The following PTPRD variants were observed in gnomAD, a reference collection of about 807,000 sequenced individuals.
PTPRD encodes the protein protein tyrosine phosphatase receptor type D.
PTPRD carries 34 observed loss-of-function variants against 214.5 expected under a neutral mutation model. The ratio of observed to expected loss-of-function variants is 0.16; its 90% confidence interval spans 0.12 to 0.21. The LOEUF is 0.21. Ranked by LOEUF, PTPRD falls within the 10% of genes least tolerant of loss-of-function variation. PTPRD has a pLI of 1.00. For synonymous variants in PTPRD, 1,128 were observed against 845.7 expected (o/e 1.33, Z -5.79); for missense variants, 2,545 against 2,398.7 (o/e 1.06, Z -1.27).
At chr9:9,440,388 G>T (rs2087087295) in intron 8 of PTPRD, among the ~76,000 whole-genome samples, 1 of 152,042 alleles carries the variant, frequency 6.6e-6, no homozygotes, top group Non-Finnish European at 1.5e-5. Context: ...CTATCAAATT[G>T]TTAAATGCAA....
intron 2 of PTPRD, among the ~76,000 whole-genome samples, chr9:10,411,147 G>C (rs1394668558): frequency 6.6e-6 from 1 of 151,688 alleles, no homozygotes; most frequent in African/African-American, 2.4e-5. Flanking sequence ...CCATGACAAA[G>C]AATTTGAATG....
At chr9:9,172,356 A>T (rs73403425) in intron 10 of PTPRD, among the ~76,000 whole-genome samples, 1 of 152,106 alleles carries the variant, frequency 6.6e-6, no homozygotes, top group African/African-American at 2.4e-5. Context: ...GTAGCAAAGT[A>T]AAATGTTTGG....
chr9:8,928,268 G>C (rs1055039257), intron 11 of PTPRD, among the ~76,000 whole-genome samples: 1 of 152,130 alleles, frequency 6.6e-6, no homozygotes, highest in African/African-American at 2.4e-5. Context: ...TAGTCATGAA[G>C]TCTTTGCCCA....
At chr9:9,062,039 C>T (rs916326035) in intron 10 of PTPRD, among the ~76,000 whole-genome samples, 2 of 152,134 alleles carry the variant, frequency 1.3e-5, no homozygotes, top group Admixed American at 6.5e-5. Flanking sequence ...ATTACTCCCT[C>T]ATCCAATGCC....
chr9:9,644,033 G>C (rs1220828162), intron 7 of PTPRD, among the ~76,000 whole-genome samples: 1 of 152,146 alleles, frequency 6.6e-6, no homozygotes, highest in Non-Finnish European at 1.5e-5. Flanking sequence ...ACATTGCAAA[G>C]ATATGCTTTT....
chr9:9,218,744 T>G (rs1256672704), intron 9 of PTPRD, among the ~76,000 whole-genome samples: 2 of 152,106 alleles, frequency 1.3e-5, no homozygotes, highest in Admixed American at 6.6e-5. Flanking sequence ...AGCATTATTC[T>G]TCTAGTATGA....
intron 7 of PTPRD, among the ~76,000 whole-genome samples, chr9:9,664,532 C>T (rs2096679022): frequency 6.6e-6 from 1 of 151,608 alleles, no homozygotes; most frequent in African/African-American, 2.4e-5. Flanking sequence ...CTAATTTAAG[C>T]ATTCAAACTA....
intron 2 of PTPRD, among the ~76,000 whole-genome samples, chr9:10,593,036 G>A (rs962644173): frequency 8.6e-5 from 13 of 151,834 alleles, no homozygotes; most frequent in South Asian, 2.1e-4. Context: ...CACTCACCAC[G>A]AAGGTCTGCG....
At chr9:9,651,822 G>GT (rs1470208021) in intron 7 of PTPRD, among the ~76,000 whole-genome samples, 40 of 92,556 alleles carry the variant, frequency 4.3e-4, no homozygotes, top group African/African-American at 6.7e-4. Flanking sequence ...TTTATTCAAG[G>GT]TTTGTTTTTT....
At chr9:8,825,688 C>T (rs2097161358) in intron 11 of PTPRD, among the ~76,000 whole-genome samples, 1 of 152,156 alleles carries the variant, frequency 6.6e-6, no homozygotes, top group Non-Finnish European at 1.5e-5. Flanking sequence ...AGAATGGCTA[C>T]TTTATAGACA....
intron 10 of PTPRD, among the ~76,000 whole-genome samples, chr9:9,081,788 G>A (rs961276285): frequency 6.7e-6 from 1 of 149,694 alleles, no homozygotes; most frequent in Non-Finnish European, 1.5e-5. Context: ...TTGGTTTAAA[G>A]TCCGTTTTAT....
At chr9:9,410,361 A>G (rs2074993135) in intron 8 of PTPRD, among the ~76,000 whole-genome samples, 1 of 152,254 alleles carries the variant, frequency 6.6e-6, no homozygotes, top group South Asian at 2.1e-4. Flanking sequence ...AAATACTTTT[A>G]GACATATACA....
intron 2 of PTPRD, among the ~76,000 whole-genome samples, chr9:10,432,016 C>A (rs2098684405): frequency 6.6e-6 from 1 of 151,728 alleles, no homozygotes; most frequent in African/African-American, 2.4e-5. Flanking sequence ...TTCACAATAG[C>A]AAAGACTTGA....
chr9:9,179,802 G>A (rs1287547418), intron 10 of PTPRD, among the ~76,000 whole-genome samples: 2 of 151,988 alleles, frequency 1.3e-5, no homozygotes, highest in African/African-American at 4.8e-5. Context: ...TTTCACCTGG[G>A]TTTGAATTCT....
chr9:8,863,903 G>A (rs1480749906), intron 11 of PTPRD, among the ~76,000 whole-genome samples: 4 of 152,136 alleles, frequency 2.6e-5, no homozygotes, highest in African/African-American at 7.2e-5. Flanking sequence ...AGTTACTTAT[G>A]TTCCATTTAG....
intron 2 of PTPRD, among the ~76,000 whole-genome samples, chr9:10,342,541 C>T (rs1288209190): frequency 6.6e-6 from 1 of 151,762 alleles, no homozygotes; most frequent in Non-Finnish European, 1.5e-5. Flanking sequence ...ACAACAGGAT[C>T]GATATTTCAT....
intron 3 of PTPRD, among the ~76,000 whole-genome samples, chr9:10,092,823 A>C (rs573604641): frequency 6.6e-6 from 1 of 151,598 alleles, no homozygotes; most frequent in East Asian, 1.9e-4. Flanking sequence ...CCTGATCTGC[A>C]ACAAAGTTGA....
At chr9:9,947,970 G>T (rs915264483) in intron 4 of PTPRD, among the ~76,000 whole-genome samples, 1 of 151,784 alleles carries the variant, frequency 6.6e-6, no homozygotes, top group Non-Finnish European at 1.5e-5. Flanking sequence ...GAGTTTCCTT[G>T]TTGCAGGAAT....
intron 2 of PTPRD, among the ~76,000 whole-genome samples, chr9:10,497,178 A>G (rs1238221556): frequency 3.9e-5 from 6 of 151,948 alleles, no homozygotes; most frequent in Admixed American, 2.6e-4. Flanking sequence ...GGCGTGGGGC[A>G]AAAACTACCT....
Sources: gnomAD v4.1 joint callset for allele counts (sites outside exome capture counted in the v4.1 genomes callset) on GRCh38, gnomAD v4.1.1 for gene constraint, MANE v1.5 for transcripts, NCBI Gene and HGNC (gene_info 2026-07-23, HGNC 2026-07-21) for gene names.